The following NETO1 variants were observed in gnomAD, a reference collection of about 807,000 sequenced individuals.
NETO1 encodes the protein neuropilin and tolloid-like protein 1.
A neutral mutation model predicts 61.3 loss-of-function variants in NETO1; 26 were observed. That is an observed-to-expected ratio of 0.42 (90% CI 0.31 to 0.59). NETO1 has a LOEUF of 0.59. Among genes scored for constraint, NETO1 ranks in the 20% least tolerant of loss-of-function variants. The pLI is 0.12. For missense variants in NETO1, 531 were observed against 662.8 expected (o/e 0.80, Z 2.18); for synonymous variants, 225 against 225.8 (o/e 1.00, Z 0.03).
chr18:72,804,565 A>G (rs1174515016), intron 4 of NETO1, among the ~76,000 whole-genome samples: 1 of 152,232 alleles, frequency 6.6e-6, no homozygotes, highest in African/African-American at 2.4e-5. Context: ...TCTCTAGAAC[A>G]TTGAACCAAT....
rs1599086282 is a variant in NETO1, at chr18:72,752,491, A to C, written c.983-1871T>G. ...ATCAGAGGCTTCACTAAAATGGTCC[A>C]GCCAAGTCTACATTTAGAAACAAAC... On this transcript the variant is annotated intron_variant, in intron 8 of 10. Coordinates refer to ENST00000327305, the MANE Select transcript of NETO1 (RefSeq NM_138966.5). Among the ~76,000 whole-genome samples, 7 of 152,352 alleles carry C rather than the reference A, an allele frequency of 4.6e-5. No homozygotes were observed. The South Asian group carries it at 1.5e-3, about 32-fold the overall frequency.
intron 4 of NETO1, among the ~76,000 whole-genome samples, chr18:72,803,920 CAT>C (rs1323546915): frequency 1.3e-5 from 2 of 151,988 alleles, no homozygotes; most frequent in African/African-American, 4.8e-5. Context: ...AACAACACAT[CAT>C]AACAGATTTA....
chr18:72,820,686 C>T (rs1490521650), intron 4 of NETO1, among the ~76,000 whole-genome samples: 8 of 152,224 alleles, frequency 5.3e-5, no homozygotes, highest in Admixed American at 1.3e-4. Context: ...TCCTCTCTAA[C>T]GAGGATGAGC....
At chr18:72,750,984 C>CA (rs1296121404) in intron 8 of NETO1, among the ~76,000 whole-genome samples, 1 of 131,554 alleles carries the variant, frequency 7.6e-6, no homozygotes, top group African/African-American at 2.9e-5. Context: ...TCTTTTTTCA[C>CA]AAAAAATACA....
At chr18:72,811,011 C>T (rs971963518) in intron 4 of NETO1, among the ~76,000 whole-genome samples, 1 of 152,174 alleles carries the variant, frequency 6.6e-6, no homozygotes, top group Non-Finnish European at 1.5e-5. Flanking sequence ...CTCACACTTT[C>T]CCTTCATCAG....
intron 7 of NETO1, among the ~76,000 whole-genome samples, chr18:72,763,647 TACAC>T (rs915058953): frequency 2.0e-5 from 3 of 151,734 alleles, no homozygotes; most frequent in African/African-American, 7.3e-5. Context: ...AACACAGTCA[TACAC>T]ACACCACACA....
chr18:72,769,927 A>G (rs1406335448), intron 7 of NETO1, among the ~76,000 whole-genome samples: 2 of 152,014 alleles, frequency 1.3e-5, no homozygotes, highest in Non-Finnish European at 2.9e-5. Flanking sequence ...TAGAGGTAGT[A>G]TTTCTGATTC....
At chr18:72,792,104 A>G (rs986007189) in intron 6 of NETO1, among the ~76,000 whole-genome samples, 7 of 152,134 alleles carry the variant, frequency 4.6e-5, no homozygotes, top group Admixed American at 2.0e-4. Context: ...TACATTCAAG[A>G]AAAAAGTCAA....
intron 6 of NETO1, among the ~76,000 whole-genome samples, chr18:72,784,337 A>C (rs2071840336): frequency 7.0e-6 from 1 of 142,112 alleles, no homozygotes; most frequent in Admixed American, 7.6e-5. Context: ...ACCAAAGAAA[A>C]ACAAAAATGA....
intron 4 of NETO1, among the ~76,000 whole-genome samples, chr18:72,852,232 T>C (rs950318115): frequency 6.6e-6 from 1 of 152,236 alleles, no homozygotes; most frequent in Admixed American, 6.5e-5. Context: ...TGTTTCTTTT[T>C]GAGATGGAGT....
rs201303366 is a variant in NETO1 at position 72,750,118 on chromosome 18, G to C, written c.1485C>G (p.Ile495Met). ...DAADACDIDEIEEVPTTSHRL... is the reference protein window; with the variant it reads ...DAADACDIDEMEEVPTTSHRL... Reference sequence around the variant, plus strand: ...TGTGACTGGTGGTCGGCACCTCTTCGATTTCATCTATGTCACAGGCATCTG... The same window carrying C: ...TGTGACTGGTGGTCGGCACCTCTTCCATTTCATCTATGTCACAGGCATCTG... The change falls in exon 9 of 11, where the codon ATC becomes ATG. Residue 495 changes from isoleucine to methionine, a missense_variant. Physicochemically the swap from Ile to Met is conservative, Grantham distance 10. Coordinates refer to ENST00000327305, the MANE Select transcript of NETO1 (RefSeq NM_138966.5). 2 of 1,612,298 alleles carry C rather than the reference G, an allele frequency of 1.2e-6. No individual in the cohort carries two copies. The highest frequency in any genetic ancestry group is 1.3e-5 in the African/African-American group (1 of 74,972).
chr18:72,782,857 A>T (rs1457696059), intron 7 of NETO1, among the ~76,000 whole-genome samples: 5 of 152,170 alleles, frequency 3.3e-5, no homozygotes, highest in Non-Finnish European at 7.3e-5. Context: ...TCTGACTGGT[A>T]TGAGATGGTA....
Position 72,867,333 on chromosome 18 carries a change from A to T in NETO1, c.-42T>A. 6.5e-7 allele frequency: 1 copy of T among 1,538,390 alleles called. No homozygotes were observed. Among genetic ancestry groups the T allele is most frequent in the Non-Finnish European group, 8.8e-7 (1 of 1,139,960 alleles). Reference sequence around the variant, plus strand: ...AGAGGCTCCGGGCTCCACTAATTCCATTTAGAGACGGGAAGACTTCCAGTG... The same window carrying T: ...AGAGGCTCCGGGCTCCACTAATTCCTTTTAGAGACGGGAAGACTTCCAGTG... On this transcript the variant is annotated 5_prime_UTR_variant, in exon 1 of 11. An upstream start codon of the reference 5' UTR is lost. Transcript: ENST00000327305.
chr18:72,757,270 TATTAC>T (rs2070814317), intron 7 of NETO1, among the ~76,000 whole-genome samples: 1 of 152,172 alleles, frequency 6.6e-6, no homozygotes, highest in African/African-American at 2.4e-5. Context: ...CAAAACTGTA[TATTAC>T]ATAAGTTTTA....
intron 4 of NETO1, among the ~76,000 whole-genome samples, chr18:72,829,933 A>G (rs2073518037): frequency 6.6e-6 from 1 of 152,202 alleles, no homozygotes; most frequent in African/African-American, 2.4e-5. Flanking sequence ...AGGTTGGCAC[A>G]CTTCTGAATA....
chr18:72,823,381 C>A (rs1022326932), intron 4 of NETO1, among the ~76,000 whole-genome samples: 2 of 151,850 alleles, frequency 1.3e-5, no homozygotes, highest in Non-Finnish European at 2.9e-5. Flanking sequence ...CTTACATGAG[C>A]GGAGCAGGGG....
chr18:72,814,721 A>T (rs2072975128), intron 4 of NETO1, among the ~76,000 whole-genome samples: 2 of 152,032 alleles, frequency 1.3e-5, no homozygotes, highest in Admixed American at 1.3e-4. Context: ...CAATTATAGG[A>T]ATAAAGAAAA....
intron 4 of NETO1, among the ~76,000 whole-genome samples, chr18:72,847,223 C>T (rs750817978): frequency 2.6e-5 from 4 of 152,184 alleles, no homozygotes; most frequent in Non-Finnish European, 5.9e-5. Flanking sequence ...ATAGTTCTTT[C>T]GTGGGCACAT....
chr18:72,828,168 A>G (rs191611908), intron 4 of NETO1, among the ~76,000 whole-genome samples: 206 of 152,290 alleles, frequency 1.4e-3, no homozygotes, highest in Non-Finnish European at 2.4e-3. Context: ...AAAATTAGCC[A>G]GGTGTGGTGG....
Sources: gnomAD v4.1 joint callset for allele counts (sites outside exome capture counted in the v4.1 genomes callset) on GRCh38, gnomAD v4.1.1 for gene constraint, MANE v1.5 for transcripts, NCBI Gene and HGNC (gene_info 2026-07-23, HGNC 2026-07-21) for gene names.